Variants in SDK1 observed in about 807,000 individuals in gnomAD.
SDK1 encodes protein sidekick-1.
SDK1 carries 157 observed loss-of-function variants against 245.5 expected under a neutral mutation model. That is an observed-to-expected ratio of 0.64 (90% CI 0.56 to 0.73). SDK1 has a LOEUF of 0.73. Among genes scored for constraint, SDK1 ranks in the 30% least tolerant of loss-of-function variants. The probability of loss-of-function intolerance (pLI) is 0.00; values close to 1 mark genes in which losing one functional copy is unlikely to be tolerated. For missense variants in SDK1, 3,583 were observed against 3,002.3 expected (o/e 1.19, Z -4.52); for synonymous variants, 1,647 against 1,278.5 (o/e 1.29, Z -6.15).
chr7:3,744,111 G>A (rs1054079393), intron 4 of SDK1, among the ~76,000 whole-genome samples: 10 of 151,908 alleles, frequency 6.6e-5, no homozygotes, highest in East Asian at 1.9e-4. Flanking sequence ...GGATCCTTCC[G>A]CTTGCTGTTC....
chr7:3,501,206 T>C lies in SDK1; in HGVS notation c.299-117874T>C, dbSNP rs955918498. On this transcript the variant is annotated intron_variant, in intron 1 of 44. Transcript: ENST00000404826. ...TTGAGCTCTTTTCTTGGGGTAACTT[T>C]TGTCAGTATCTTTTCTTAGTATCTT... is the stretch of plus-strand genomic sequence containing the variant. Among the ~76,000 whole-genome samples the C allele has an allele frequency of 3.9e-5, 6 of 152,278 alleles. No individual in the cohort carries two copies. In the East Asian group the frequency reaches 9.7e-4, roughly 25 times the overall value.
rs541945492 is a variant in SDK1 at position 4,165,635 on chromosome 7, C to T, written c.4800+3779C>T. On this transcript the variant is annotated intron_variant, in intron 32 of 44. Transcript: ENST00000404826. ...CTTCTAAGTAGCTGGGATTACAGGC[C>T]TGCACCACCATACCTGGCTAATTTT... 6.6e-5 allele frequency among the ~76,000 whole-genome samples: 10 copies of T among 152,012 alleles called. No homozygotes were observed. The South Asian group carries it at 1.0e-3, about 16-fold the overall frequency.
intron 5 of SDK1, among the ~76,000 whole-genome samples, chr7:3,896,594 C>G (rs1781612738): frequency 6.6e-6 from 1 of 152,174 alleles, no homozygotes; most frequent in African/African-American, 2.4e-5. Context: ...TCTGGCTTCC[C>G]TCAGCCTGGA....
intron 19 of SDK1, among the ~76,000 whole-genome samples, chr7:4,062,258 T>A (rs1779590174): frequency 6.6e-6 from 1 of 151,916 alleles, no homozygotes; most frequent in Non-Finnish European, 1.5e-5. Flanking sequence ...GGAAACAAAA[T>A]CAGAAATGCA....
At chr7:3,548,461 A>G (rs1779300286) in intron 1 of SDK1, among the ~76,000 whole-genome samples, 1 of 152,328 alleles carries the variant, frequency 6.6e-6, no homozygotes, top group Admixed American at 6.5e-5. Flanking sequence ...CGAGTCCCAA[A>G]GATGAGAGGA....
chr7:3,714,612 C>T (rs181862381), intron 4 of SDK1, among the ~76,000 whole-genome samples: 2 of 152,142 alleles, frequency 1.3e-5, no homozygotes, highest in Admixed American at 6.5e-5. Flanking sequence ...GAAAATGGTC[C>T]TGAGGCCTTC....
chr7:3,716,180 A>G (rs549370082), intron 4 of SDK1, among the ~76,000 whole-genome samples: 3 of 151,814 alleles, frequency 2.0e-5, no homozygotes, highest in Non-Finnish European at 4.4e-5. Context: ...CTTTAATTTT[A>G]TTGGAGTTCT....
At chr7:4,116,338 C>T (rs1044376757) in intron 25 of SDK1, among the ~76,000 whole-genome samples, 1 of 152,186 alleles carries the variant, frequency 6.6e-6, no homozygotes, top group Non-Finnish European at 1.5e-5. Context: ...GACAGCCAGG[C>T]CGGGGTGAGG....
At chr7:3,340,884 A>C (rs1780330465) in intron 1 of SDK1, among the ~76,000 whole-genome samples, 1 of 152,178 alleles carries the variant, frequency 6.6e-6, no homozygotes, top group South Asian at 2.1e-4. Context: ...CTTAAAAAAG[A>C]AAAAATCTCT....
At chr7:3,310,081 CTGTCCTTT>C (rs1168041425) in intron 1 of SDK1, among the ~76,000 whole-genome samples, 1 of 152,222 alleles carries the variant, frequency 6.6e-6, no homozygotes, top group African/African-American at 2.4e-5. Context: ...CTCCCGGGTA[CTGTCCTTT>C]TGGCCATCAT....
chr7:3,694,592 A>C (rs1014607116), intron 4 of SDK1, among the ~76,000 whole-genome samples: 1 of 151,648 alleles, frequency 6.6e-6, no homozygotes. Context: ...GGGGAAAAGC[A>C]TATGAAATTG....
chr7:4,233,066 T>G (rs978869721), intron 40 of SDK1, 189 bp from the exon 41 acceptor site: 1 of 567,520 alleles, frequency 1.8e-6, no homozygotes, highest in South Asian at 2.3e-5. Flanking sequence ...ATCACACCAT[T>G]CATCTCCAGA....
At chr7:4,136,011 GT>G (rs1779060398) in intron 28 of SDK1, among the ~76,000 whole-genome samples, 1 of 152,192 alleles carries the variant, frequency 6.6e-6, no homozygotes, top group African/African-American at 2.4e-5. Flanking sequence ...GTTACAGAGT[GT>G]TCCTAAAGTG....
chr7:3,833,561 T>G (rs996939567), intron 5 of SDK1, among the ~76,000 whole-genome samples: 2 of 152,236 alleles, frequency 1.3e-5, no homozygotes, highest in African/African-American at 4.8e-5. Context: ...ACTTATATCC[T>G]CATTAGTCAG....
intron 5 of SDK1, among the ~76,000 whole-genome samples, chr7:3,828,379 C>A (rs1477999707): frequency 6.6e-6 from 1 of 151,892 alleles, no homozygotes; most frequent in Admixed American, 6.6e-5. Context: ...AACAAAATTT[C>A]TTCCATTTTC....
chr7:3,951,080 C>T (rs769293945), intron 6 of SDK1, 46 bp downstream of exon 6: 9 of 1,380,806 alleles, frequency 6.5e-6, no homozygotes, highest in African/African-American at 1.4e-5. Flanking sequence ...TATTCCATGA[C>T]CTGTGACGAG....
chr7:3,721,462 C>A (rs1778798149), intron 4 of SDK1, among the ~76,000 whole-genome samples: 1 of 152,136 alleles, frequency 6.6e-6, no homozygotes, highest in Non-Finnish European at 1.5e-5. Flanking sequence ...GAATTAAAGA[C>A]AATATGAATG....
chr7:3,987,008 C>G (rs1336212394), intron 13 of SDK1, among the ~76,000 whole-genome samples, 178 bp from the exon 14 acceptor site: 1 of 152,138 alleles, frequency 6.6e-6, no homozygotes, highest in Non-Finnish European at 1.5e-5. Flanking sequence ...AATAATGAAG[C>G]TGGGTTTTGT....
rs895481372 is a variant in SDK1, at chr7:3,339,158, A to G, written c.298+37274A>G. Reference sequence around the variant, plus strand: ...TTTAAACAAGAGTGGCCATATTAACATTCAAAAATAATTTCAGAATAAATT... The same window carrying G: ...TTTAAACAAGAGTGGCCATATTAACGTTCAAAAATAATTTCAGAATAAATT... On this transcript the variant is annotated intron_variant, in intron 1 of 44. Coordinates refer to ENST00000404826, the MANE Select transcript of SDK1 (RefSeq NM_152744.4). Among the ~76,000 whole-genome samples, 3 of 145,322 alleles carry G rather than the reference A, an allele frequency of 2.1e-5. No individual in the cohort carries two copies. In the Admixed American group the frequency reaches 2.1e-4, roughly 10 times the overall value.
Sources: gnomAD v4.1 joint callset for allele counts (sites outside exome capture counted in the v4.1 genomes callset) on GRCh38, gnomAD v4.1.1 for gene constraint, MANE v1.5 for transcripts, NCBI Gene and HGNC (gene_info 2026-07-23, HGNC 2026-07-21) for gene names.